Variants in ACER3 observed in about 807,000 individuals in gnomAD.
The protein encoded by ACER3 is alkCDase 3.
ACER3 carries 16 observed loss-of-function variants against 48.9 expected under a neutral mutation model. The observed-to-expected ratio is 0.33, with a 90% CI of 0.22 to 0.50. The LOEUF is 0.50. Ranked by LOEUF, ACER3 falls within the 20% of genes least tolerant of loss-of-function variation. The pLI, the probability that ACER3 is intolerant of heterozygous loss-of-function variation, is 0.98. For synonymous variants in ACER3, 109 were observed against 107.8 expected, an observed-to-expected ratio of 1.01 and a Z score of -0.07; for missense variants, 227 against 326.0, an observed-to-expected ratio of 0.70 and a Z score of 2.34.
chr11:76,965,832 C>A lies in ACER3; in HGVS notation c.267+6801C>A, dbSNP rs1209621431. Among the ~76,000 whole-genome samples the A allele has an allele frequency of 9.3e-5, 14 of 151,120 alleles. 1 individual carries two copies. Among genetic ancestry groups the A allele is most frequent in the African/African-American group, 3.2e-4 (13 of 40,474 alleles). ...AGCACTAAACATGGAAAGGAACAACCGGTACCAGCCACTGCAAAAACATGC... is the reference window on the plus strand; with the variant it reads ...AGCACTAAACATGGAAAGGAACAACAGGTACCAGCCACTGCAAAAACATGC... On this transcript the variant is annotated intron_variant, in intron 3 of 10. Transcript: ENST00000532485.
At chr11:77,005,045 T>C (rs1234578012) in intron 7 of ACER3, among the ~76,000 whole-genome samples, 2 of 148,040 alleles carry the variant, frequency 1.4e-5, no homozygotes, top group African/African-American at 4.9e-5. Flanking sequence ...TCTTTTTTTT[T>C]TTTTTTTTTT....
At chr11:76,873,375 A>G (rs979848052) in intron 1 of ACER3, among the ~76,000 whole-genome samples, 4 of 152,232 alleles carry the variant, frequency 2.6e-5, no homozygotes, top group Non-Finnish European at 5.9e-5. Flanking sequence ...CAGTTTGTTA[A>G]GGATCACAGG....
intron 1 of ACER3, among the ~76,000 whole-genome samples, chr11:76,875,133 T>TTTTTA (rs1490255598): frequency 2.1e-5 from 3 of 141,302 alleles, no homozygotes; most frequent in Non-Finnish European, 4.5e-5. Flanking sequence ...TTTTTTTTTT[T>TTTTTA]AGATGGAATC....
At chr11:76,866,722 A>G (rs1336930683) in intron 1 of ACER3, among the ~76,000 whole-genome samples, 1 of 152,246 alleles carries the variant, frequency 6.6e-6, no homozygotes, top group Non-Finnish European at 1.5e-5. Context: ...TGTAAAGAGA[A>G]GGACACTGAG....
At chr11:76,865,919 C>T (rs1405031300) in intron 1 of ACER3, among the ~76,000 whole-genome samples, 1 of 151,530 alleles carries the variant, frequency 6.6e-6, no homozygotes, top group Non-Finnish European at 1.5e-5. Flanking sequence ...TGGGCTCAAG[C>T]AATCCTCCCA....
intron 1 of ACER3, among the ~76,000 whole-genome samples, chr11:76,897,255 C>A (rs1379824481): frequency 6.6e-6 from 1 of 152,146 alleles, no homozygotes; most frequent in Non-Finnish European, 1.5e-5. Flanking sequence ...CCACACCTGG[C>A]CAGGGAGGAG....
chr11:76,970,431 T>C (rs1364836756), intron 3 of ACER3, among the ~76,000 whole-genome samples: 1 of 152,198 alleles, frequency 6.6e-6, no homozygotes, highest in Non-Finnish European at 1.5e-5. Flanking sequence ...ATACAAAACA[T>C]CTGGCCTATC....
At chr11:76,919,495 GTGTT>G (rs1371162701) in intron 1 of ACER3, among the ~76,000 whole-genome samples, 2 of 152,158 alleles carry the variant, frequency 1.3e-5, no homozygotes, top group Non-Finnish European at 2.9e-5. Context: ...TAAGGAGAAT[GTGTT>G]TGGGGGTATA....
At chr11:77,007,700 A>T (rs751147222) in intron 7 of ACER3, among the ~76,000 whole-genome samples, 1 of 152,160 alleles carries the variant, frequency 6.6e-6, no homozygotes, top group Non-Finnish European at 1.5e-5. Context: ...AGCTCCTCAC[A>T]TGGTCTCTAA....
intron 1 of ACER3, among the ~76,000 whole-genome samples, chr11:76,865,138 A>ATT (rs35627838): frequency 0.011 from 1,379 of 128,046 alleles, 15 homozygotes; most frequent in Non-Finnish European, 0.011. Context: ...TGCCCAGCTA[A>ATT]TTTTTTTTTT....
At chr11:76,934,373 G>A (rs1047559887) in intron 2 of ACER3, among the ~76,000 whole-genome samples, 19 of 152,180 alleles carry the variant, frequency 1.2e-4, no homozygotes, top group Non-Finnish European at 2.1e-4. Context: ...CCGAGATCAC[G>A]CCACTGCACT....
chr11:76,865,732 T>C (rs7102485), intron 1 of ACER3, among the ~76,000 whole-genome samples: 103,794 of 151,818 alleles, frequency 0.68, 35,871 homozygotes, highest in Non-Finnish European at 0.74. Context: ...TGGTCTCAAA[T>C]GCCTGACCTG....
At chr11:76,899,702 T>C (rs916583195) in intron 1 of ACER3, among the ~76,000 whole-genome samples, 1 of 152,238 alleles carries the variant, frequency 6.6e-6, no homozygotes, top group African/African-American at 2.4e-5. Context: ...CATGTTTATC[T>C]TCTAGTTTAT....
chr11:76,986,737 G>T (rs1323328054), intron 5 of ACER3, among the ~76,000 whole-genome samples: 1 of 152,140 alleles, frequency 6.6e-6, no homozygotes, highest in Non-Finnish European at 1.5e-5. Flanking sequence ...ACCCCTCTAT[G>T]CCTTGTTTGA....
intron 1 of ACER3, among the ~76,000 whole-genome samples, chr11:76,898,234 T>G (rs572648868): frequency 6.6e-6 from 1 of 152,318 alleles, no homozygotes; most frequent in East Asian, 1.9e-4. Context: ...GAAAATAGTT[T>G]TGACCTCAAA....
chr11:76,903,701 A>G (rs1279522729), intron 1 of ACER3, among the ~76,000 whole-genome samples: 2 of 152,102 alleles, frequency 1.3e-5, no homozygotes, highest in African/African-American at 2.4e-5. Context: ...ATAGCATCAC[A>G]TGGTAGATGG....
chr11:76,948,211 C>CTGTGTGTG lies in ACER3; in HGVS notation c.215-10722_215-10715dup, dbSNP rs57302394. Among the ~76,000 whole-genome samples, 490 of 135,712 alleles carry CTGTGTGTG rather than the reference C, an allele frequency of 3.6e-3. 5 individuals carry two copies. Among genetic ancestry groups the CTGTGTGTG allele is most frequent in the East Asian group, 0.026 (113 of 4,358 alleles). The allele number at this position is 135,712 out of a possible 152,430, so 89.0% of individuals were successfully genotyped here. On this transcript the variant is annotated intron_variant, in intron 2 of 10. Coordinates refer to ENST00000532485, the MANE Select transcript of ACER3 (RefSeq NM_018367.7). ...TGCTGTAGCTCCATTCTGGCTCACTCTGTGTGTGTGTGTGTGTGTGTGTGT... is the reference window on the plus strand; with the variant it reads ...TGCTGTAGCTCCATTCTGGCTCACTCTGTGTGTGTGTGTGTGTGTGTGTGTGTGTGTGT...
intron 7 of ACER3, among the ~76,000 whole-genome samples, chr11:77,014,057 G>A (rs1239985645): frequency 1.3e-5 from 2 of 152,146 alleles, no homozygotes; most frequent in Non-Finnish European, 1.5e-5. Context: ...TGTGGTGGTG[G>A]TTTCATGGGT....
Position 76,869,065 on chromosome 11 carries a change from G to C in ACER3, c.103+7986G>C, listed in dbSNP as rs1208704067. ...CCTGTTTACCTGGGTTCTGTAAGCT[G>C]CACTAGCCCTAGCCCCGGACTTGGG... On this transcript the variant is annotated intron_variant, in intron 1 of 10. Coordinates refer to ENST00000532485, the MANE Select transcript of ACER3 (RefSeq NM_018367.7). Among the ~76,000 whole-genome samples, 3 of 152,306 alleles carry C rather than the reference G, an allele frequency of 2.0e-5. No individual in the cohort carries two copies. In the East Asian group the frequency reaches 5.8e-4, roughly 29 times the overall value.
Sources: gnomAD v4.1 joint callset for allele counts (sites outside exome capture counted in the v4.1 genomes callset) on GRCh38, gnomAD v4.1.1 for gene constraint, MANE v1.5 for transcripts, NCBI Gene and HGNC (gene_info 2026-07-23, HGNC 2026-07-21) for gene names.